Variants in EDIL3 observed in about 807,000 individuals in gnomAD.
EDIL3 encodes the protein EGF-like repeat and discoidin I-like domain-containing protein 3.
Under a neutral mutation model 67.4 loss-of-function variants are expected in EDIL3, and 37 were observed. That is an observed-to-expected ratio of 0.55 (90% CI 0.42 to 0.72). The LOEUF (loss-of-function observed/expected upper bound fraction) is 0.72, where lower values mean the gene tolerates loss of function less well. EDIL3 is among the 30% of genes least tolerant of loss of function. EDIL3 has a pLI of 0.00. For missense variants in EDIL3, 527 were observed against 586.3 expected (o/e 0.90, Z 1.04); for synonymous variants, 195 against 196.3 (o/e 0.99, Z 0.05).
chr5:84,292,203 C>G (rs1580058796), intron 1 of EDIL3, among the ~76,000 whole-genome samples: 2 of 152,094 alleles, frequency 1.3e-5, no homozygotes, highest in African/African-American at 4.8e-5. Context: ...AGCCAAATAA[C>G]ACATCAGGTT....
At chr5:84,343,879 C>T (rs959625393) in intron 1 of EDIL3, among the ~76,000 whole-genome samples, 3 of 152,010 alleles carry the variant, frequency 2.0e-5, no homozygotes, top group African/African-American at 7.3e-5. Context: ...GTCTGCATTA[C>T]CAAAAAGTAA....
intron 4 of EDIL3, among the ~76,000 whole-genome samples, chr5:84,157,376 T>C (rs190094226): frequency 6.6e-6 from 1 of 152,184 alleles, no homozygotes; most frequent in Admixed American, 6.5e-5. Context: ...TTGTACATAT[T>C]CCAGATGTGA....
chr5:83,992,879 A>C (rs1745174920), intron 9 of EDIL3, among the ~76,000 whole-genome samples: 1 of 151,794 alleles, frequency 6.6e-6, no homozygotes. Context: ...AAATATTTTT[A>C]AATCTTTTTA....
intron 9 of EDIL3, among the ~76,000 whole-genome samples, chr5:84,008,728 G>A (rs190825394): frequency 6.6e-6 from 1 of 152,138 alleles, no homozygotes; most frequent in East Asian, 1.9e-4. Context: ...GTGGGAGGAA[G>A]GTTAAAAATA....
At chr5:84,309,498 C>A (rs1490665462) in intron 1 of EDIL3, among the ~76,000 whole-genome samples, 1 of 151,862 alleles carries the variant, frequency 6.6e-6, no homozygotes, top group African/African-American at 2.4e-5. Context: ...CCCCCGTCCC[C>A]CCACCCCACA....
chr5:84,024,966 ATCTC>A (rs371274997), intron 9 of EDIL3, among the ~76,000 whole-genome samples: 3 of 151,524 alleles, frequency 2.0e-5, no homozygotes, highest in Non-Finnish European at 2.9e-5. Context: ...AAGAAGAGCT[ATCTC>A]TCTCTCTCTC....
chr5:84,141,952 G>GATCTATCAATCT (rs1748205303), intron 4 of EDIL3, among the ~76,000 whole-genome samples: 1 of 108,368 alleles, frequency 9.2e-6, no homozygotes, highest in African/African-American at 3.7e-5. Context: ...TATATACATA[G>GATCTATCAATCT]ATCTATCTAT....
chr5:84,100,648 C>T (rs1161580235), intron 6 of EDIL3, among the ~76,000 whole-genome samples: 1 of 152,180 alleles, frequency 6.6e-6, no homozygotes, highest in East Asian at 1.9e-4. Flanking sequence ...GTGTAGCAAA[C>T]CACCATGGCA....
At chr5:84,243,621 A>C (rs2112062368) in intron 2 of EDIL3, among the ~76,000 whole-genome samples, 1 of 152,344 alleles carries the variant, frequency 6.6e-6, no homozygotes, top group East Asian at 1.9e-4. Context: ...ACATTGTATT[A>C]AAAAGGTGTT....
intron 4 of EDIL3, among the ~76,000 whole-genome samples, chr5:84,147,561 G>T (rs928505805): frequency 6.6e-6 from 1 of 152,028 alleles, no homozygotes; most frequent in Non-Finnish European, 1.5e-5. Flanking sequence ...TATGAAACTT[G>T]CAGGTAACCA....
intron 4 of EDIL3, among the ~76,000 whole-genome samples, chr5:84,155,413 C>T (rs573215952): frequency 6.6e-6 from 1 of 152,046 alleles, no homozygotes; most frequent in Non-Finnish European, 1.5e-5. Context: ...TTTCTATATC[C>T]AGATTTTATT....
chr5:84,340,478 C>A (rs1007500836), intron 1 of EDIL3, among the ~76,000 whole-genome samples: 2 of 140,248 alleles, frequency 1.4e-5, no homozygotes, highest in African/African-American at 5.3e-5. Context: ...TATTATTACC[C>A]ATGGAATTTC....
intron 4 of EDIL3, among the ~76,000 whole-genome samples, chr5:84,164,080 A>T (rs1346466062): frequency 6.6e-6 from 1 of 152,118 alleles, no homozygotes; most frequent in Admixed American, 6.6e-5. Context: ...ATATATGCAG[A>T]TACAACTGAG....
chr5:84,006,053 G>C (rs1745409277), intron 9 of EDIL3, among the ~76,000 whole-genome samples: 1 of 149,614 alleles, frequency 6.7e-6, no homozygotes, highest in Non-Finnish European at 1.5e-5. Context: ...GTCAGATCAA[G>C]AATATAATTC....
chr5:84,033,957 A>G (rs1430842254), intron 9 of EDIL3, among the ~76,000 whole-genome samples: 1 of 152,178 alleles, frequency 6.6e-6, no homozygotes, highest in Admixed American at 6.6e-5. Context: ...CTAGCTGGCC[A>G]GTGGCTGTGA....
At chr5:84,346,135 C>CT (rs912729041) in intron 1 of EDIL3, among the ~76,000 whole-genome samples, 36,962 of 122,790 alleles carry the variant, frequency 0.3, 6,403 homozygotes, top group Non-Finnish European at 0.36. Context: ...CTTTTTTTTT[C>CT]TTTTTTTTTT....
At chr5:83,964,937 C>G (rs10942341) in intron 9 of EDIL3, among the ~76,000 whole-genome samples, 147,380 of 152,100 alleles carry the variant, frequency 0.97, 71,404 homozygotes, top group East Asian at 1. Context: ...ATGTTTTCTT[C>G]TGGGTCCTCA....
chr5:84,111,778 T>G (rs1444343458), intron 5 of EDIL3, among the ~76,000 whole-genome samples: 1 of 152,162 alleles, frequency 6.6e-6, no homozygotes, highest in Non-Finnish European at 1.5e-5. Context: ...TGGCTATGTT[T>G]ACAGTACTGG....
intron 6 of EDIL3, among the ~76,000 whole-genome samples, chr5:84,105,451 GA>G (rs1220457178): frequency 6.6e-6 from 1 of 152,032 alleles, no homozygotes; most frequent in Non-Finnish European, 1.5e-5. Context: ...TTCAAGTATG[GA>G]AGTCTTGCCT....
Sources: gnomAD v4.1 joint callset for allele counts (sites outside exome capture counted in the v4.1 genomes callset) on GRCh38, gnomAD v4.1.1 for gene constraint, MANE v1.5 for transcripts, NCBI Gene and HGNC (gene_info 2026-07-23, HGNC 2026-07-21) for gene names.